NKAIN2: variants seen among roughly 807,000 people sequenced by gnomAD.
The protein encoded by NKAIN2 is sodium/potassium-transporting ATPase subunit beta-1-interacting protein 2.
Under a neutral mutation model 32.6 loss-of-function variants are expected in NKAIN2, and 14 were observed. The ratio of observed to expected loss-of-function variants is 0.43; its 90% CI spans 0.28 to 0.67. The LOEUF (loss-of-function observed/expected upper bound fraction) is 0.67. Ranked by LOEUF, NKAIN2 falls within the 30% of genes least tolerant of loss-of-function variation. The pLI, the probability that NKAIN2 is intolerant of heterozygous loss-of-function variation, is 0.17. For synonymous variants in NKAIN2, 80 were observed against 87.2 expected, an observed-to-expected ratio of 0.92 and a Z score of 0.46; for missense variants, 198 against 258.3, an observed-to-expected ratio of 0.77 and a Z score of 1.60.
chr6:123,819,596 A>G (rs1773840320), intron 1 of NKAIN2, among the ~76,000 whole-genome samples: 1 of 152,196 alleles, frequency 6.6e-6, no homozygotes, highest in African/African-American at 2.4e-5. Context: ...CTTACTTGCT[A>G]ATTTAAAGAA....
At chr6:124,346,786 C>G (rs1486278142) in intron 2 of NKAIN2, among the ~76,000 whole-genome samples, 2 of 151,878 alleles carry the variant, frequency 1.3e-5, no homozygotes, top group African/African-American at 4.8e-5. Context: ...GACTCTTTAT[C>G]CTATTTGCCA....
At chr6:124,806,315 AGAGAGTGAG>A (rs1329594354) in intron 5 of NKAIN2, among the ~76,000 whole-genome samples, 3 of 152,258 alleles carry the variant, frequency 2.0e-5, no homozygotes, top group Admixed American at 6.5e-5. Flanking sequence ...ACAAGCCAGA[AGAGAGTGAG>A]GGCCAATATT....
chr6:124,679,890 G>T (rs1181109553), intron 4 of NKAIN2, among the ~76,000 whole-genome samples: 1 of 152,094 alleles, frequency 6.6e-6, no homozygotes. Context: ...ATGAGAGCTG[G>T]GCTATTCAAA....
chr6:124,403,934 T>C (rs1052101858), intron 3 of NKAIN2, among the ~76,000 whole-genome samples: 1 of 152,190 alleles, frequency 6.6e-6, no homozygotes, highest in African/African-American at 2.4e-5. Context: ...CATAATTATG[T>C]ATTTTATTTC....
chr6:123,907,899 C>T (rs1774970469), intron 1 of NKAIN2, among the ~76,000 whole-genome samples: 1 of 152,138 alleles, frequency 6.6e-6, no homozygotes, highest in Non-Finnish European at 1.5e-5. Flanking sequence ...TTTCATAGGA[C>T]ACTTTGTTGA....
At chr6:124,004,998 G>C (rs1019579689) in intron 1 of NKAIN2, among the ~76,000 whole-genome samples, 1 of 152,012 alleles carries the variant, frequency 6.6e-6, no homozygotes, top group Non-Finnish European at 1.5e-5. Context: ...GCAGAGGCAG[G>C]TGACTCACTT....
intron 2 of NKAIN2, among the ~76,000 whole-genome samples, chr6:124,303,570 G>A (rs1021247528): frequency 6.6e-6 from 1 of 152,188 alleles, no homozygotes; most frequent in South Asian, 2.1e-4. Context: ...TAGTCAGTAC[G>A]TGGTCTTCCA....
At chr6:124,821,519 G>A (rs1781394496) in intron 6 of NKAIN2, among the ~76,000 whole-genome samples, 1 of 151,946 alleles carries the variant, frequency 6.6e-6, no homozygotes, top group Non-Finnish European at 1.5e-5. Context: ...ATTCTAATGG[G>A]CTTTAAAGAA....
Position 124,524,254 on chromosome 6 carries a change from G to T in NKAIN2, c.274-133932G>T, listed in dbSNP as rs547812455. Among the ~76,000 whole-genome samples, 224 of 152,176 alleles carry T rather than the reference G, an allele frequency of 1.5e-3. 1 individual carries two copies. Among genetic ancestry groups the T allele is most frequent in the African/African-American group, 5.1e-3 (211 of 41,542 alleles). Reference sequence around the variant, plus strand: ...AAGAAATGCACAAATTTGTTTATATGTTATAGTATGTTTATTGTTCATTTG... The same window carrying T: ...AAGAAATGCACAAATTTGTTTATATTTTATAGTATGTTTATTGTTCATTTG... On this transcript the variant is annotated intron_variant, in intron 3 of 6. Transcript: ENST00000368417.
At chr6:123,809,985 A>G (rs774397314) in intron 1 of NKAIN2, among the ~76,000 whole-genome samples, 1 of 152,166 alleles carries the variant, frequency 6.6e-6, no homozygotes, top group Non-Finnish European at 1.5e-5. Flanking sequence ...ATTTTTAAAT[A>G]ATTTGTTATG....
chr6:123,979,380 C>T (rs1213077124), intron 1 of NKAIN2, among the ~76,000 whole-genome samples: 1 of 152,094 alleles, frequency 6.6e-6, no homozygotes, highest in Non-Finnish European at 1.5e-5. Flanking sequence ...TGTGCACAAA[C>T]ATTGTGTATT....
At chr6:124,493,087 G>T (rs1362959550) in intron 3 of NKAIN2, among the ~76,000 whole-genome samples, 7 of 151,786 alleles carry the variant, frequency 4.6e-5, no homozygotes, top group Non-Finnish European at 7.4e-5. Flanking sequence ...AATGTAAAGG[G>T]CTTAGCACCA....
At chr6:123,852,847 CA>C (rs1775407242) in intron 1 of NKAIN2, among the ~76,000 whole-genome samples, 1 of 152,084 alleles carries the variant, frequency 6.6e-6, no homozygotes, top group Non-Finnish European at 1.5e-5. Flanking sequence ...ACAGAAAATC[CA>C]AAAAGAGGTG....
intron 3 of NKAIN2, among the ~76,000 whole-genome samples, chr6:124,621,407 T>C (rs192664080): frequency 2.0e-5 from 3 of 152,302 alleles, no homozygotes; most frequent in Admixed American, 2.0e-4. Context: ...CACAGCTGAA[T>C]TCAGTCTTTC....
Position 124,283,054 on chromosome 6 carries a change from C to T in NKAIN2, c.104C>T (p.Ala35Val), listed in dbSNP as rs1464535767. ...QIFDFLGYQWAPILANFVHII... is the reference protein window; with the variant it reads ...QIFDFLGYQWVPILANFVHII... ...TTTGACTTCCTTGGATATCAGTGGGCACCTATCCTGGCAAATTTTGTACAT... is the reference window on the plus strand; with the variant it reads ...TTTGACTTCCTTGGATATCAGTGGGTACCTATCCTGGCAAATTTTGTACAT... The change falls in exon 2 of 7, where the codon GCA (alanine) becomes GTA (valine). Residue 35 changes from alanine to valine, a missense_variant. Ala to Val is a moderately conservative substitution (Grantham distance 64). Coordinates refer to ENST00000368417, the MANE Select transcript of NKAIN2 (RefSeq NM_001040214.3). 1 of 1,612,558 alleles carries T rather than the reference C, an allele frequency of 6.2e-7. No homozygotes were observed.
rs1778883833 is a variant in NKAIN2 at position 124,515,706 on chromosome 6, G to GCTTCTTCCCTT, written c.274-142477_274-142476insCTTCCCTTCTT. On this transcript the variant is annotated intron_variant, in intron 3 of 6. Transcript: ENST00000368417. Reference sequence around the variant, plus strand: ...GCACTTCCCTACTTCATTTTTCTTCGCTTTCTCTCCGTCTCGCTCTGTCGC... The same window carrying GCTTCTTCCCTT: ...GCACTTCCCTACTTCATTTTTCTTCGCTTCTTCCCTTCTTTCTCTCCGTCTCGCTCTGTCGC... Among the ~76,000 whole-genome samples the GCTTCTTCCCTT allele has an allele frequency of 1.1e-3, 4 of 3,646 alleles. 2 individuals carry two copies. In the Non-Finnish European group the frequency reaches 0.05, roughly 46 times the overall value. 2.4% of individuals were successfully genotyped at this position (3,646 alleles called of 152,430 possible).
At chr6:123,940,387 C>CAT (rs140538344) in intron 1 of NKAIN2, among the ~76,000 whole-genome samples, 9,558 of 151,448 alleles carry the variant, frequency 0.063, 967 homozygotes, top group African/African-American at 0.21. Flanking sequence ...TATAGATACA[C>CAT]ACACACACAC....
chr6:124,195,770 G>A (rs1425293523), intron 1 of NKAIN2, among the ~76,000 whole-genome samples: 2 of 151,912 alleles, frequency 1.3e-5, no homozygotes, highest in Non-Finnish European at 2.9e-5. Flanking sequence ...TTGCTCCTTT[G>A]TTAAATAACT....
chr6:124,190,364 G>A lies in NKAIN2; in HGVS notation c.55-92641G>A, dbSNP rs1789955066. Among the ~76,000 whole-genome samples the A allele has an allele frequency of 2.6e-5, 4 of 152,208 alleles. No individual in the cohort carries two copies. In the South Asian group the frequency reaches 8.3e-4, roughly 32 times the overall value. On this transcript the variant is annotated intron_variant, in intron 1 of 6. Coordinates refer to ENST00000368417, the MANE Select transcript of NKAIN2 (RefSeq NM_001040214.3). ...TTTTAACCATTCAAATGAAAAGTGAGAAATTCCAACCTTGGCATCATGTAG... is the reference window on the plus strand; with the variant it reads ...TTTTAACCATTCAAATGAAAAGTGAAAAATTCCAACCTTGGCATCATGTAG...
Sources: allele counts gnomAD v4.1 joint callset (sites outside exome capture counted in the v4.1 genomes callset), GRCh38; gene constraint gnomAD v4.1.1; transcripts MANE v1.5; gene names NCBI Gene and HGNC (gene_info 2026-07-23, HGNC 2026-07-21).